The following ARNT2 variants were observed in gnomAD, a reference collection of about 807,000 sequenced individuals.
ARNT2 encodes aryl hydrocarbon receptor nuclear translocator 2.
A neutral mutation model predicts 91.7 loss-of-function variants in ARNT2; 36 were observed. That is an observed-to-expected ratio of 0.39 (90% confidence interval 0.30 to 0.52). The LOEUF (loss-of-function observed/expected upper bound fraction) is 0.52. ARNT2 is among the 20% of genes least tolerant of loss of function. The pLI is 0.72. For synonymous variants in ARNT2, 365 were observed against 347.1 expected (o/e 1.05, Z -0.57); for missense variants, 775 against 939.3 (o/e 0.83, Z 2.29).
intron 8 of ARNT2, among the ~76,000 whole-genome samples, chr15:80,548,447 A>G (rs917115962): frequency 2.0e-5 from 3 of 152,178 alleles, no homozygotes; most frequent in African/African-American, 7.2e-5. Context: ...ACAACTAAAC[A>G]AGAGAAATTA....
intron 13 of ARNT2, among the ~76,000 whole-genome samples, chr15:80,574,609 C>T (rs1304328077): frequency 6.6e-6 from 1 of 152,208 alleles, no homozygotes; most frequent in Non-Finnish European, 1.5e-5. Flanking sequence ...CTCAATGTGC[C>T]TCTTCCTGTC....
chr15:80,408,419 C>T (rs1895633360), intron 1 of ARNT2, among the ~76,000 whole-genome samples: 2 of 152,142 alleles, frequency 1.3e-5, no homozygotes, highest in African/African-American at 4.8e-5. Context: ...AACTTCTGAA[C>T]GTGGGCCTTT....
intron 2 of ARNT2, among the ~76,000 whole-genome samples, chr15:80,455,672 A>G (rs1896471485): frequency 1.3e-5 from 2 of 152,052 alleles, no homozygotes; most frequent in Non-Finnish European, 1.5e-5. Context: ...CCACTCCTAT[A>G]CTGAGAAAAT....
intron 8 of ARNT2, among the ~76,000 whole-genome samples, chr15:80,534,314 C>CTTCTT (rs1340344439): frequency 6.6e-6 from 1 of 151,728 alleles, no homozygotes; most frequent in Non-Finnish European, 1.5e-5. Context: ...CATTGCTTAC[C>CTTCTT]TTCTTTTTTT....
At chr15:80,461,008 C>A (rs1340557864) in intron 3 of ARNT2, among the ~76,000 whole-genome samples, 1 of 152,134 alleles carries the variant, frequency 6.6e-6, no homozygotes, top group Non-Finnish European at 1.5e-5. Flanking sequence ...GGGATTAATT[C>A]TCGTGGCTTC....
Position 80,505,096 on chromosome 15 carries a change from G to A in ARNT2, c.623-3060G>A, listed in dbSNP as rs537406393. Among the ~76,000 whole-genome samples, 112 of 152,300 alleles carry A rather than the reference G, an allele frequency of 7.4e-4. 1 individual carries two copies. Among genetic ancestry groups the A allele is most frequent in the African/African-American group, 2.1e-3 (89 of 41,560 alleles). On this transcript the variant is annotated intron_variant, in intron 5 of 18. Transcript: ENST00000303329. The stretch of plus-strand genomic sequence containing the variant: ...AAGCCTGCCAGGAAACACATTTGTC[G>A]CTTGCCTCCTGTGTGCGAATCACTT...
intron 18 of ARNT2, among the ~76,000 whole-genome samples, 190 bp from the exon 19 acceptor site, chr15:80,593,410 G>A (rs1006354350): frequency 1.3e-5 from 2 of 152,222 alleles, no homozygotes; most frequent in African/African-American, 4.8e-5. Flanking sequence ...TCCCTGGGGA[G>A]AACAGTTTCC....
chr15:80,532,947 A>G (rs987732704), intron 8 of ARNT2, among the ~76,000 whole-genome samples: 3 of 152,188 alleles, frequency 2.0e-5, no homozygotes, highest in Admixed American at 6.5e-5. Flanking sequence ...GAGAAGCAGG[A>G]AGAAGAGGAG....
At chr15:80,458,032 T>C in intron 3 of ARNT2, 56 bp downstream of exon 3, 2 of 1,547,252 alleles carry the variant, frequency 1.3e-6, no homozygotes, top group Non-Finnish European at 1.8e-6. Flanking sequence ...GCATTCACCT[T>C]AGAAAGATAC....
At chr15:80,424,009 GT>G (rs1895900106) in intron 1 of ARNT2, among the ~76,000 whole-genome samples, 1 of 152,184 alleles carries the variant, frequency 6.6e-6, no homozygotes, top group African/African-American at 2.4e-5. Context: ...CCTTGTGTTG[GT>G]TTTATTCTCA....
At chr15:80,437,366 T>C (rs1896104091) in intron 1 of ARNT2, among the ~76,000 whole-genome samples, 2 of 152,342 alleles carry the variant, frequency 1.3e-5, no homozygotes, top group Non-Finnish European at 2.9e-5. Context: ...TCTTATCCCA[T>C]TTTTGTCTTC....
intron 12 of ARNT2, among the ~76,000 whole-genome samples, chr15:80,571,965 A>G (rs1243565020): frequency 1.3e-5 from 2 of 152,178 alleles, no homozygotes; most frequent in Non-Finnish European, 2.9e-5. Context: ...TAGTGTGAGG[A>G]TTGGATGAGA....
At chr15:80,405,603 G>A (rs1477408274) in intron 1 of ARNT2, among the ~76,000 whole-genome samples, 1 of 152,198 alleles carries the variant, frequency 6.6e-6, no homozygotes, top group Non-Finnish European at 1.5e-5. Flanking sequence ...CTGGAGATTG[G>A]ACATTTCGGC....
At chr15:80,575,552 C>G (rs144577088) in intron 14 of ARNT2, among the ~76,000 whole-genome samples, 5 of 152,328 alleles carry the variant, frequency 3.3e-5, no homozygotes, top group African/African-American at 1.2e-4. Flanking sequence ...AAAGCACCTT[C>G]TCTCTCGTGT....
chr15:80,472,450 G>A (rs192553341), intron 4 of ARNT2, among the ~76,000 whole-genome samples: 42 of 152,302 alleles, frequency 2.8e-4, no homozygotes, highest in Admixed American at 2.0e-3. Flanking sequence ...GCCGAGACTC[G>A]ATTTATGTCA....
At chr15:80,510,391 G>A (rs778415449) in intron 6 of ARNT2, among the ~76,000 whole-genome samples, 4 of 152,092 alleles carry the variant, frequency 2.6e-5, no homozygotes, top group East Asian at 3.9e-4. Flanking sequence ...GGCAAAGGAC[G>A]TGAGCAGACA....
intron 3 of ARNT2, among the ~76,000 whole-genome samples, chr15:80,458,517 C>T (rs1055383205): frequency 6.6e-6 from 1 of 152,152 alleles, no homozygotes; most frequent in Admixed American, 6.5e-5. Context: ...GTATTGCCCC[C>T]TGGCCACGTG....
intron 1 of ARNT2, chr15:80,442,826 G>A (rs1307329995): frequency 1.0e-6 from 1 of 985,054 alleles, no homozygotes; most frequent in African/African-American, 1.7e-5. Flanking sequence ...AATTTTTTTT[G>A]CCCTATACAG....
At chr15:80,515,073 A>G (rs1286451541) in intron 8 of ARNT2, among the ~76,000 whole-genome samples, 1 of 152,244 alleles carries the variant, frequency 6.6e-6, no homozygotes, top group East Asian at 1.9e-4. Context: ...ACTGAGATAC[A>G]TCGTATTCTC....
Sources: gnomAD v4.1 joint callset for allele counts (sites outside exome capture counted in the v4.1 genomes callset) on GRCh38, gnomAD v4.1.1 for gene constraint, MANE v1.5 for transcripts, NCBI Gene and HGNC (gene_info 2026-07-23, HGNC 2026-07-21) for gene names.